The following SPTB variants were observed in gnomAD, a reference collection of about 807,000 sequenced individuals.
The protein encoded by SPTB is spectrin beta, erythrocytic.
A neutral mutation model predicts 256.2 loss-of-function variants in SPTB; 45 were observed. The ratio of observed to expected loss-of-function variants is 0.18; its 90% CI spans 0.14 to 0.23. SPTB has a LOEUF of 0.23. Among genes scored for constraint, SPTB ranks in the 10% least tolerant of loss-of-function variants. SPTB has a pLI of 1.00. For missense variants in SPTB, 2,715 were observed against 3,040.4 expected, an observed-to-expected ratio of 0.89 and a Z score of 2.52; for synonymous variants, 1,231 against 1,243.1, an observed-to-expected ratio of 0.99 and a Z score of 0.21.
intron 32 of SPTB, among the ~76,000 whole-genome samples, chr14:64,765,041 T>TGTGTGTGTGTGTGTGTGTGTGTGTGC (rs570414192): frequency 3.4e-5 from 4 of 117,002 alleles, no homozygotes; most frequent in Admixed American, 1.0e-4. Context: ...TGTGTGTGTG[T>TGTGTGTGTGTGTGTGTGTGTGTGTGC]GCGCGCGCGC....
intron 1 of SPTB, among the ~76,000 whole-genome samples, chr14:64,868,896 T>C (rs910135612): frequency 2.6e-5 from 4 of 152,158 alleles, no homozygotes; most frequent in African/African-American, 9.7e-5. Flanking sequence ...ATTCAGAACA[T>C]TAATTATTTA....
chr14:64,752,496 GGTCTTTGGAGAAAGA>G (rs1432042593), intron 33 of SPTB, among the ~76,000 whole-genome samples: 1 of 152,178 alleles, frequency 6.6e-6, no homozygotes, highest in Non-Finnish European at 1.5e-5. Context: ...GAAGGAGCTG[GGTCTTTGGAGAAAGA>G]GCTTGCCTTG....
At position 64,826,297 on chromosome 14, in the gene SPTB, G is replaced by A. The variant is rs77800976; in HGVS notation, c.-51-3152C>T. 2.0e-5 allele frequency among the ~76,000 whole-genome samples: 3 copies of A among 152,160 alleles called. No homozygotes were observed. Among genetic ancestry groups the A allele is most frequent in the Non-Finnish European group, 1.5e-5 (1 of 68,030 alleles). On this transcript the variant is annotated intron_variant, in intron 1 of 35. Transcript: ENST00000644917. This position sits in a 1 kb window ranked among gnomAD's most constrained non-coding sequence, Gnocchi z 4.4. ...CCAAAACCAGATTTAACCCATTCTC[G>A]GCGTCACCATGTCTCTTTCCATACT...
At chr14:64,782,906 A>C (rs937473375) in intron 19 of SPTB, among the ~76,000 whole-genome samples, 1 of 151,698 alleles carries the variant, frequency 6.6e-6, no homozygotes, top group Non-Finnish European at 1.5e-5. Flanking sequence ...AGGGTTAGAC[A>C]TGGCTGGTAG....
chr14:64,773,136 A>G, intron 25 of SPTB, 84 bp downstream of exon 25: 1 of 1,581,604 alleles, frequency 6.3e-7, no homozygotes, highest in Non-Finnish European at 8.6e-7. Flanking sequence ...CGTCCTATGC[A>G]GCACTCTGTG....
chr14:64,801,355 C>A lies in SPTB; in HGVS notation c.693G>T (p.Arg231=). 6.2e-7 allele frequency: 1 copy of A among 1,614,194 alleles called. No individual in the cohort carries two copies. Among genetic ancestry groups the A allele is most frequent in the Non-Finnish European group, 8.5e-7 (1 of 1,180,024 alleles). ...DFDKLKDSNA[R]HNLEHAFNVA... Reference sequence around the variant, plus strand: ...CATTGAATGCGTGCTCCAGGTTGTGCCGGGCATTGGAGTCCTTCAGCTTAT... The same window carrying A: ...CATTGAATGCGTGCTCCAGGTTGTGACGGGCATTGGAGTCCTTCAGCTTAT... Residue 231 remains arginine (R), a synonymous_variant, in exon 7 of 36, where the codon CGG becomes CGT. Coordinates refer to ENST00000644917, the MANE Select transcript of SPTB (RefSeq NM_001355436.2).
chr14:64,832,649 C>A (rs562728394), intron 1 of SPTB, among the ~76,000 whole-genome samples: 1 of 152,292 alleles, frequency 6.6e-6, no homozygotes, highest in South Asian at 2.1e-4. Flanking sequence ...TTCACCCTAA[C>A]CCCCAGTGGA....
chr14:64,771,629 C>CCT (rs2082280090), intron 26 of SPTB, among the ~76,000 whole-genome samples: 2 of 152,226 alleles, frequency 1.3e-5, no homozygotes, highest in South Asian at 2.1e-4. Context: ...CTGTGTGCTG[C>CCT]CTCTCCAAGG....
intron 8 of SPTB, 30 bp from the exon 9 acceptor site, chr14:64,799,964 T>C (rs2139622002): frequency 6.2e-7 from 1 of 1,612,490 alleles, no homozygotes; most frequent in Non-Finnish European, 8.5e-7. Flanking sequence ...CTTATTCTCA[T>C]CAGAAGGGCA....
rs1566731898 is a variant in SPTB at position 64,751,946 on chromosome 14, T to TAAAAAAAAAAAA, written c.6602+1590_6602+1591insTTTTTTTTTTTT. ...AAAATGCAAAAAAAAAAAAAAAAAT[T>TAAAAAAAAAAAA]AGCCAGGCGTGGTGGCACGTGCCTG... On this transcript the variant is annotated intron_variant, in intron 33 of 35. Transcript: ENST00000644917. 4.3e-4 allele frequency among the ~76,000 whole-genome samples: 39 copies of TAAAAAAAAAAAA among 90,468 alleles called. 1 individual carries two copies. The highest frequency in any genetic ancestry group is 7.4e-4 in the Non-Finnish European group (30 of 40,390). 59.4% of individuals were successfully genotyped at this position (90,468 alleles called of 152,430 possible). A position where few individuals can be genotyped will look rare whatever the true frequency, so the allele number is the denominator to read the frequency against.
In SPTB at chr14:64,786,969, C is replaced by T. The variant is rs776134235; in HGVS notation, c.2996G>A (p.Gly999Glu). The T allele has an allele frequency of 5.9e-5, 96 of 1,613,984 alleles. No homozygotes were observed. The South Asian group carries it at 7.5e-4, about 13-fold the overall frequency. The change falls in exon 16 of 36, where the codon GGG becomes GAG. Residue 999 changes from glycine to glutamate, a missense_variant. Transcript: ENST00000644917. This position sits in a 1 kb window ranked among gnomAD's most constrained non-coding sequence, Gnocchi z 5.6. ...GIIAIQRKLS[G>E]LERDVAAIQA... is the part of the protein sequence containing the mutation. ...GATGGCGGCCACGTCACGCTCCAGC[C>T]CTGACAACTTCCTCTGGATGGCGAT...
At chr14:64,770,656 T>C (rs945969883) in intron 27 of SPTB, among the ~76,000 whole-genome samples, 1 of 152,240 alleles carries the variant, frequency 6.6e-6, no homozygotes, top group Admixed American at 6.5e-5. Flanking sequence ...TCTCTCTCTC[T>C]ACACTCAGGA....
Position 64,791,595 on chromosome 14 carries a change from A to G in SPTB, c.2804+124T>C, listed in dbSNP as rs1054003087. 6 of 634,880 alleles carry G rather than the reference A, an allele frequency of 9.5e-6. No homozygotes were observed. The South Asian group carries it at 1.2e-4, about 13-fold the overall frequency. The allele number at this position is 634,880 out of a possible 1,614,324, so 39.3% of individuals were successfully genotyped here. A position where few individuals can be genotyped will look rare whatever the true frequency, so the allele number is the denominator to read the frequency against. Reference sequence around the variant, plus strand: ...AAAAAAAAAAAAAAAAAAAAAAGACAGGAATGTTGAGGGTATAGAAGTGTT... The same window carrying G: ...AAAAAAAAAAAAAAAAAAAAAAGACGGGAATGTTGAGGGTATAGAAGTGTT... On this transcript the variant is annotated intron_variant, in intron 15 of 35. Coordinates refer to ENST00000644917, the MANE Select transcript of SPTB (RefSeq NM_001355436.2).
intron 2 of SPTB, among the ~76,000 whole-genome samples, chr14:64,810,244 G>A (rs2083063095): frequency 6.6e-6 from 1 of 152,328 alleles, no homozygotes; most frequent in South Asian, 2.1e-4. Flanking sequence ...CTAATAGGAA[G>A]GGGAAAGATG....
intron 1 of SPTB, among the ~76,000 whole-genome samples, 180 bp downstream of exon 1, chr14:64,879,612 C>T (rs1479153330): frequency 2.6e-5 from 4 of 152,190 alleles, no homozygotes; most frequent in African/African-American, 9.7e-5. Flanking sequence ...CCGGGCTTCC[C>T]GGGCCCCGCA....
intron 1 of SPTB, among the ~76,000 whole-genome samples, chr14:64,829,775 C>A (rs565245302): frequency 6.6e-6 from 1 of 152,272 alleles, no homozygotes; most frequent in South Asian, 2.1e-4. Flanking sequence ...AGTCATATGC[C>A]TTAGGCACAA....
At chr14:64,814,029 G>T (rs8017385) in intron 2 of SPTB, among the ~76,000 whole-genome samples, 57,162 of 152,100 alleles carry the variant, frequency 0.38, 11,763 homozygotes, top group African/African-American at 0.55. Flanking sequence ...TGTGAACAGC[G>T]ATTTCCCCAA....
intron 12 of SPTB, 104 bp from the exon 13 acceptor site, chr14:64,794,721 G>A: frequency 2.0e-6 from 3 of 1,494,152 alleles, no homozygotes; most frequent in African/African-American, 1.4e-5. Flanking sequence ...TCTGAGCAAG[G>A]GTGAGCCAAA....
intron 32 of SPTB, chr14:64,756,044 T>C (rs1185576925): frequency 1.3e-5 from 2 of 152,174 alleles, no homozygotes; most frequent in Non-Finnish European, 2.9e-5. Context: ...AGACATAAGA[T>C]AGAGGCAGGA....
Sources: gnomAD v4.1 joint callset for allele counts (sites outside exome capture counted in the v4.1 genomes callset) on GRCh38, gnomAD v4.1.1 for gene constraint, Gnocchi (gnomAD v3.1) non-coding constraint, MANE v1.5 for transcripts, NCBI Gene and HGNC (gene_info 2026-07-23, HGNC 2026-07-21) for gene names.